The following TBC1D31 variants were observed in gnomAD, a reference collection of about 807,000 sequenced individuals.
TBC1D31 encodes WD repeat domain 67.
TBC1D31 carries 99 observed loss-of-function variants against 132.9 expected under a neutral mutation model. The ratio of observed to expected loss-of-function variants is 0.74; its 90% CI spans 0.63 to 0.88. TBC1D31 has a LOEUF of 0.88. Ranked by LOEUF, TBC1D31 falls within the 40% of genes least tolerant of loss-of-function variation. TBC1D31 has a pLI of 0.00. For synonymous variants in TBC1D31, 385 were observed against 419.4 expected (o/e 0.92, Z 1.00); for missense variants, 1,134 against 1,256.6 (o/e 0.90, Z 1.48).
intron 3 of TBC1D31, chr8:123,083,094 A>C: frequency 3.8e-6 from 1 of 266,316 alleles, no homozygotes; most frequent in East Asian, 8.2e-5. Context: ...AATATAACAA[A>C]AGGATACAAA....
At chr8:123,087,826 A>C (rs1586575144) in intron 4 of TBC1D31, among the ~76,000 whole-genome samples, 2 of 152,250 alleles carry the variant, frequency 1.3e-5, no homozygotes, top group East Asian at 3.8e-4. Flanking sequence ...GTGCTATAAG[A>C]ATAAAACTAA....
intron 19 of TBC1D31, 70 bp downstream of exon 19, chr8:123,142,526 C>G: frequency 1.6e-6 from 2 of 1,261,086 alleles, no homozygotes; most frequent in Non-Finnish European, 2.1e-6. Context: ...AAGACAGAGT[C>G]TCACTTTGTT....
intron 13 of TBC1D31, among the ~76,000 whole-genome samples, chr8:123,127,693 G>A (rs1336094026): frequency 6.6e-6 from 1 of 152,142 alleles, no homozygotes; most frequent in Non-Finnish European, 1.5e-5. Context: ...AGGTAACTAT[G>A]AGAGTTTTGA....
At chr8:123,106,324 T>G (rs1817919345) in intron 8 of TBC1D31, among the ~76,000 whole-genome samples, 1 of 152,220 alleles carries the variant, frequency 6.6e-6, no homozygotes. Flanking sequence ...GCATAGTCAC[T>G]CAGTAGCCTC....
At chr8:123,161,976 C>T in the TBC1D31 span, among the ~76,000 whole-genome samples, 18 of 142,652 alleles carry the variant, frequency 1.3e-4, no homozygotes, top group South Asian at 2.2e-3. Context: ...CGAGATCGTG[C>T]CACTGCACTC....
At chr8:123,074,644 C>G (rs1016956092) in intron 1 of TBC1D31, among the ~76,000 whole-genome samples, 1 of 152,176 alleles carries the variant, frequency 6.6e-6, no homozygotes, top group Admixed American at 6.5e-5. Flanking sequence ...GGTTGATTAT[C>G]CAAATGTCTT....
downstream of TBC1D31, among the ~76,000 whole-genome samples, chr8:123,155,547 T>G (rs545046821): frequency 1.3e-5 from 2 of 152,142 alleles, no homozygotes; most frequent in Non-Finnish European, 2.9e-5. The surrounding 1 kb of genome is among the most constrained non-coding windows in gnomAD (Gnocchi z 4.1). Flanking sequence ...GCTTGAGATA[T>G]GTAACAGGAA....
At chr8:123,155,445 A>G (rs1822963886), downstream of TBC1D31, among the ~76,000 whole-genome samples, 1 of 152,218 alleles carries the variant, frequency 6.6e-6, no homozygotes, top group African/African-American at 2.4e-5. The surrounding 1 kb of genome is among the most constrained non-coding windows in gnomAD (Gnocchi z 4.1). Flanking sequence ...AAAGGGCAGC[A>G]GGGCGGTAGT....
rs1822830838 is a variant in TBC1D31 at position 123,151,995 on chromosome 8, T to C, written c.*56T>C. 6.7e-6 allele frequency: 9 copies of C among 1,346,240 alleles called. No homozygotes were observed. Among genetic ancestry groups the C allele is most frequent in the Non-Finnish European group, 8.7e-6 (9 of 1,033,476 alleles). 83.4% of individuals were successfully genotyped at this position (1,346,240 alleles called of 1,614,324 possible). ...GAGACCTATTTTGCAATCAGTGACA[T>C]TGATTTTTAGATTATTTATTTAAAA... On this transcript the variant is annotated 3_prime_UTR_variant, in exon 22 of 22. Coordinates refer to ENST00000287380, the MANE Select transcript of TBC1D31 (RefSeq NM_145647.4).
intron 16 of TBC1D31, among the ~76,000 whole-genome samples, chr8:123,133,575 C>T (rs550473378): frequency 1.3e-3 from 195 of 152,264 alleles, no homozygotes; most frequent in Admixed American, 2.8e-3. Context: ...TATCCCATAT[C>T]CAAAGCCTCT....
the TBC1D31 span, among the ~76,000 whole-genome samples, chr8:123,163,889 T>C: frequency 6.6e-6 from 1 of 152,208 alleles, no homozygotes; most frequent in African/African-American, 2.4e-5. Flanking sequence ...TGTGAAACCA[T>C]TGCTACTTTC....
intron 4 of TBC1D31, among the ~76,000 whole-genome samples, chr8:123,088,189 C>CAA (rs71573665): frequency 0.13 from 18,631 of 139,724 alleles, 1,289 homozygotes; most frequent in African/African-American, 0.17. Flanking sequence ...ACTCTTGTCT[C>CAA]AAAAAAAAAA....
intron 4 of TBC1D31, among the ~76,000 whole-genome samples, chr8:123,093,200 C>T (rs1423801987): frequency 3.9e-5 from 6 of 151,946 alleles, no homozygotes; most frequent in East Asian, 1.9e-4. Context: ...CCGCCTGCTT[C>T]GGCCTCCCAA....
At chr8:123,125,338 G>A (rs933768683) in intron 11 of TBC1D31, among the ~76,000 whole-genome samples, 1 of 152,184 alleles carries the variant, frequency 6.6e-6, no homozygotes, top group Non-Finnish European at 1.5e-5. Flanking sequence ...CTTAGAGTTA[G>A]TTGAATATAT....
chr8:123,084,963 T>G (rs1289930906), intron 4 of TBC1D31, among the ~76,000 whole-genome samples: 1 of 151,820 alleles, frequency 6.6e-6, no homozygotes, highest in Admixed American at 6.6e-5. Flanking sequence ...CTAATTTTTG[T>G]ATTTTTAGTA....
chr8:123,076,625 C>T (rs113585429), intron 1 of TBC1D31, among the ~76,000 whole-genome samples: 94 of 152,228 alleles, frequency 6.2e-4, no homozygotes, highest in African/African-American at 2.1e-3. Context: ...TTACAGAACT[C>T]GCCTGCCAGG....
intron 2 of TBC1D31, among the ~76,000 whole-genome samples, chr8:123,079,835 C>T (rs4871344): frequency 6.6e-6 from 1 of 151,936 alleles, no homozygotes; most frequent in Admixed American, 6.6e-5. Context: ...AGTTCAGCCC[C>T]CATTACCTTA....
rs141224192 is a variant in TBC1D31 at position 123,142,406 on chromosome 8, A to C, written c.2785A>C (p.Arg929=). The C allele has an allele frequency of 2.5e-3, 4,073 of 1,607,208 alleles. 10 individuals are homozygous for C. The highest frequency in any genetic ancestry group is 3.1e-3 in the Non-Finnish European group (3,706 of 1,177,450). ...AGCCAAACTCCTTAGGGAAAACAGA[A>C]GGAAAGAAATAGAGATAATAAATGC... The part of the protein sequence containing the change: ...EVAKLLRENR[R]KEIEIINAMV... The change falls in exon 19 of 22, where the codon AGG becomes CGG. Residue 929 remains arginine, a synonymous_variant. Coordinates refer to ENST00000287380, the MANE Select transcript of TBC1D31 (RefSeq NM_145647.4).
intron 3 of TBC1D31, chr8:123,083,938 A>C (rs968800075): frequency 2.3e-6 from 1 of 440,454 alleles, no homozygotes; most frequent in African/African-American, 2.0e-5. Context: ...TCTTCATCAA[A>C]GCCTTTGTCA....
Sources: gnomAD v4.1 joint callset for allele counts (sites outside exome capture counted in the v4.1 genomes callset) on GRCh38, gnomAD v4.1.1 for gene constraint, Gnocchi (gnomAD v3.1) non-coding constraint, MANE v1.5 for transcripts, NCBI Gene and HGNC (gene_info 2026-07-23, HGNC 2026-07-21) for gene names.